L3MBTL1: variants seen among roughly 807,000 people sequenced by gnomAD.
L3MBTL1 encodes the protein lethal(3)malignant brain tumor-like protein 1.
A neutral mutation model predicts 105.3 loss-of-function variants in L3MBTL1; 75 were observed. The observed-to-expected ratio is 0.71, with a 90% CI of 0.59 to 0.86. The LOEUF is 0.86. Among genes scored for constraint, L3MBTL1 ranks in the 40% least tolerant of loss-of-function variants. L3MBTL1 has a pLI of 0.00. For synonymous variants in L3MBTL1, 452 were observed against 436.2 expected, an observed-to-expected ratio of 1.04 and a Z score of -0.45; for missense variants, 1,069 against 1,126.4, an observed-to-expected ratio of 0.95 and a Z score of 0.73.
intron 7 of L3MBTL1, 81 bp downstream of exon 7, chr20:43,516,258 G>A: frequency 1.0e-6 from 1 of 986,486 alleles, no homozygotes; most frequent in Non-Finnish European, 1.6e-6. Context: ...TGTGGGTTAT[G>A]ATTGTGATGG....
chr20:43,540,064 G>T lies in L3MBTL1; in HGVS notation c.2174-87G>T, dbSNP rs117018799. 1.5e-5 allele frequency: 23 copies of T among 1,523,058 alleles called. No homozygotes were observed. The East Asian group carries it at 4.8e-4, about 32-fold the overall frequency. 94.3% of individuals were successfully genotyped at this position (1,523,058 alleles called of 1,614,324 possible). A position where few individuals can be genotyped will look rare whatever the true frequency, so the allele number is the denominator to read the frequency against. ...GGAGTCCTGTCTACTCTGCCAGCCA[G>T]TCTCCTGAGTGGTGTGGGTATGCAT... On this transcript the variant is annotated intron_variant, in intron 19 of 21. Transcript: ENST00000418998.
intron 1 of L3MBTL1, among the ~76,000 whole-genome samples, chr20:43,509,203 C>T (rs980353892): frequency 4.6e-5 from 7 of 151,586 alleles, no homozygotes; most frequent in Non-Finnish European, 8.8e-5. Context: ...CTTTCTCTCT[C>T]TCTCCTTCCT....
intron 1 of L3MBTL1, among the ~76,000 whole-genome samples, chr20:43,512,469 C>T (rs560942950): frequency 6.6e-6 from 1 of 152,340 alleles, no homozygotes; most frequent in African/African-American, 2.4e-5. Context: ...TGTCAGTCTC[C>T]AGAGAACTTG....
At chr20:43,514,398 C>T in intron 3 of L3MBTL1, 1 of 1,432,474 alleles carries the variant, frequency 7.0e-7, no homozygotes, top group South Asian at 1.5e-5. Flanking sequence ...CTGTGGGAGC[C>T]TGGGGGCGTG....
At chr20:43,529,479 C>A in intron 9 of L3MBTL1, 111 bp downstream of exon 9, 1 of 752,318 alleles carries the variant, frequency 1.3e-6, no homozygotes, top group South Asian at 1.6e-5. Flanking sequence ...CACACACAAT[C>A]TAGTAGTGGA....
Position 43,514,637 on chromosome 20 carries a change from C to T in L3MBTL1, c.363C>T (p.Phe121=). 1 of 1,598,860 alleles carries T rather than the reference C, an allele frequency of 6.3e-7. No individual in the cohort carries two copies. Among genetic ancestry groups the T allele is most frequent in the Non-Finnish European group, 8.5e-7 (1 of 1,172,748 alleles). The stretch of plus-strand genomic sequence containing the variant: ...CCTCAGACCCTCCCGCGCTCCAGTT[C>T]CGGATAAGCGAGTATAAGCCGCTGA... ...AAPPPGGGLR[F]RISEYKPLNM... is the part of the protein sequence containing the mutation. Residue 121 remains phenylalanine, a splice_region_variant and synonymous_variant, in exon 4 of 22, where the codon TTC becomes TTT. Coordinates refer to ENST00000418998, the MANE Select transcript of L3MBTL1 (RefSeq NM_001377303.1).
Position 43,513,892 on chromosome 20 carries a change from C to T in L3MBTL1, c.191C>T (p.Pro64Leu), listed in dbSNP as rs1270566418. The T allele has an allele frequency of 6.4e-7, 1 of 1,550,628 alleles. No individual in the cohort carries two copies. Among genetic ancestry groups the T allele is most frequent in the South Asian group, 1.2e-5 (1 of 84,066 alleles). Residue 64 changes from proline to leucine, a missense_variant, in exon 3 of 22, where the codon CCC (proline) becomes CTC (leucine). Transcript: ENST00000418998. Reference protein sequence around the residue: ...PSSALDVSCFPREPIHVGAPE... With the variant: ...PSSALDVSCFLREPIHVGAPE... Reference sequence around the variant, plus strand: ...AGTGCCCTGGATGTGTCTTGCTTTCCCCGGGAGCCAATCCATGTGGGTGCC... The same window carrying T: ...AGTGCCCTGGATGTGTCTTGCTTTCTCCGGGAGCCAATCCATGTGGGTGCC...
At chr20:43,530,979 C>A in intron 11 of L3MBTL1, 90 bp downstream of exon 11, 1 of 1,026,492 alleles carries the variant, frequency 9.7e-7, no homozygotes, top group Non-Finnish European at 1.4e-6. Flanking sequence ...CAGAAGGGAG[C>A]TCATGTGCTG....
In L3MBTL1 at chr20:43,536,469, G is replaced by T. The variant is rs1207170900; in HGVS notation, c.2173+11G>T. ...AGGAAGATTTCCAGAGTAAGTCTGG[G>T]TTATCTGCTCCTATGTCCTCCACCA... is the stretch of plus-strand genomic sequence containing the variant. On this transcript the variant is annotated intron_variant, in intron 19 of 21. Transcript: ENST00000418998. 3 of 1,613,596 alleles carry T rather than the reference G, an allele frequency of 1.9e-6. No homozygotes were observed. Among genetic ancestry groups the T allele is most frequent in the Non-Finnish European group, 2.5e-6 (3 of 1,179,890 alleles).
intron 6 of L3MBTL1, 38 bp from the exon 7 acceptor site, chr20:43,516,055 T>G: frequency 1.3e-6 from 2 of 1,490,050 alleles, no homozygotes; most frequent in Non-Finnish European, 1.9e-6. Context: ...TCCCAAACCA[T>G]GAGGAGAAGA....
chr20:43,530,146 G>T, intron 9 of L3MBTL1, 138 bp from the exon 10 acceptor site: 1 of 998,358 alleles, frequency 1.0e-6, no homozygotes, highest in Admixed American at 2.1e-5. Flanking sequence ...GTACAATTGG[G>T]AGGAAAGAAA....
chr20:43,526,934 G>A (rs1019967464), intron 7 of L3MBTL1, among the ~76,000 whole-genome samples: 2 of 152,166 alleles, frequency 1.3e-5, no homozygotes, highest in Admixed American at 6.6e-5. Context: ...GCGACAGAGT[G>A]AGACTCTGTC....
At chr20:43,522,860 T>C (rs542222092) in intron 7 of L3MBTL1, among the ~76,000 whole-genome samples, 2 of 149,680 alleles carry the variant, frequency 1.3e-5, no homozygotes, top group East Asian at 2.0e-4. Flanking sequence ...CCCAGCACTT[T>C]AGTAGGCCAA....
chr20:43,514,736 G>A lies in L3MBTL1; in HGVS notation c.462G>A (p.Gly154=). The A allele has an allele frequency of 6.4e-7, 1 of 1,569,722 alleles. No homozygotes were observed. The highest frequency in any genetic ancestry group is 8.6e-7 in the Non-Finnish European group (1 of 1,157,292). ...GCGTGACCGAATACGAAGATGGCGG[G>A]GCCCCGGCGGGAGATGGCGAGGCGG... The part of the protein sequence containing the change: ...QEGVTEYEDG[G]APAGDGEAGP... The change falls in exon 4 of 22, where the codon GGG becomes GGA. Residue 154 remains glycine (G), a synonymous_variant. Transcript: ENST00000418998.
In L3MBTL1 at chr20:43,524,312, A is replaced by C. The variant is rs149351948; in HGVS notation, c.863-4345A>C. Among the ~76,000 whole-genome samples, 685 of 152,244 alleles carry C rather than the reference A, an allele frequency of 4.5e-3. 10 individuals carry two copies. The highest frequency in any genetic ancestry group is 0.016 in the African/African-American group (656 of 41,550). On this transcript the variant is annotated intron_variant, in intron 7 of 21. Coordinates refer to ENST00000418998, the MANE Select transcript of L3MBTL1 (RefSeq NM_001377303.1). ...CTAAATACTGCTTTGGCTGCATCTC[A>C]GTTTTTGATACATAGTTATTTCCAT...
intron 7 of L3MBTL1, among the ~76,000 whole-genome samples, chr20:43,527,988 G>A (rs953781299): frequency 3.3e-5 from 5 of 151,632 alleles, no homozygotes; most frequent in Non-Finnish European, 7.4e-5. Flanking sequence ...TGCCTCCCAG[G>A]TTCAAGCAAT....
chr20:43,532,707 C>A, intron 11 of L3MBTL1, 66 bp from the exon 12 acceptor site: 1 of 1,550,718 alleles, frequency 6.4e-7, no homozygotes, highest in Non-Finnish European at 8.8e-7. Context: ...CTTTGTTTGC[C>A]AATGGGCTCT....
At chr20:43,529,905 C>G (rs928849455) in intron 9 of L3MBTL1, among the ~76,000 whole-genome samples, 1 of 152,346 alleles carries the variant, frequency 6.6e-6, no homozygotes, top group East Asian at 1.9e-4. Flanking sequence ...GGAATTGCCA[C>G]TAGCTCAGCA....
chr20:43,528,305 C>T (rs1304106417), intron 7 of L3MBTL1, among the ~76,000 whole-genome samples: 4 of 152,160 alleles, frequency 2.6e-5, no homozygotes, highest in African/African-American at 9.7e-5. Flanking sequence ...TGATTAAGTT[C>T]TCTGGCACAG....
Sources: allele counts gnomAD v4.1 joint callset (sites outside exome capture counted in the v4.1 genomes callset), GRCh38; gene constraint gnomAD v4.1.1; transcripts MANE v1.5; gene names NCBI Gene and HGNC (gene_info 2026-07-23, HGNC 2026-07-21).